Variants in NELFA observed in about 807,000 individuals in gnomAD.
NELFA encodes the protein negative elongation factor A.
A neutral mutation model predicts 51.8 loss-of-function variants in NELFA; 35 were observed. The ratio of observed to expected loss-of-function variants is 0.68; its 90% CI spans 0.52 to 0.90. The LOEUF (loss-of-function observed/expected upper bound fraction) is 0.90. NELFA is among the 40% of genes least tolerant of loss of function. The pLI, the probability that NELFA is intolerant of heterozygous loss-of-function variation, is 0.00. For synonymous variants in NELFA, 417 were observed against 338.4 expected (o/e 1.23, Z -2.55); for missense variants, 658 against 746.4 (o/e 0.88, Z 1.38).
At position 1,988,020 on chromosome 4, in the gene NELFA, G is replaced by A. The variant is rs1229494905; in HGVS notation, c.545-13C>T. ...GCGGTCTCCGTGGCTGGAAGGAAGA[G>A]GTCACATATGTCAGGGATCCTCAGA... On this transcript the variant is annotated splice_polypyrimidine_tract_variant and intron_variant, in intron 3 of 10. Coordinates refer to ENST00000382882, the MANE Select transcript of NELFA (RefSeq NM_005663.5). The A allele has an allele frequency of 1.2e-6, 2 of 1,605,978 alleles. No homozygotes were observed. The highest frequency in any genetic ancestry group is 1.7e-4 in the Middle Eastern group (1 of 6,044).
chr4:2,006,047 G>A lies in NELFA; in HGVS notation c.210+2703C>T, dbSNP rs1449647023. 4.6e-5 allele frequency among the ~76,000 whole-genome samples: 7 copies of A among 152,152 alleles called. No homozygotes were observed. In the East Asian group the frequency reaches 5.8e-4, roughly 13 times the overall value. On this transcript the variant is annotated intron_variant, in intron 1 of 10. Coordinates refer to ENST00000382882, the MANE Select transcript of NELFA (RefSeq NM_005663.5). ...GACAAGAATAGCCATAGATGATCCC[G>A]GAGAAAGATACAGTGGGAGGGTTTG...
chr4:1,991,508 C>G (rs1728267041), intron 2 of NELFA, 36 bp downstream of exon 2: 1 of 1,598,966 alleles, frequency 6.3e-7, no homozygotes, highest in African/African-American at 1.4e-5. Context: ...GATCCATTTC[C>G]CTCCACCCAA....
At chr4:2,006,647 C>T (rs777982657) in intron 1 of NELFA, among the ~76,000 whole-genome samples, 1 of 151,550 alleles carries the variant, frequency 6.6e-6, no homozygotes, top group Non-Finnish European at 1.5e-5. Context: ...GGCAGCGCAT[C>T]AGTCCCAGCT....
intron 1 of NELFA, among the ~76,000 whole-genome samples, chr4:2,006,768 C>CA (rs57055347): frequency 0.17 from 13,728 of 78,456 alleles, 3,093 homozygotes; most frequent in East Asian, 0.37. Context: ...GACGCTGTCT[C>CA]AAAAAAAAAA....
At chr4:1,984,604 G>A (rs890590291) in intron 8 of NELFA, among the ~76,000 whole-genome samples, 13 of 152,232 alleles carry the variant, frequency 8.5e-5, no homozygotes, top group African/African-American at 3.1e-4. Flanking sequence ...TGCCCAGGAC[G>A]GGCAGGGTGG....
chr4:1,983,951 G>A lies in NELFA; in HGVS notation c.1199C>T (p.Pro400Leu), dbSNP rs1342037766. The part of the protein sequence containing the change: ...APTSPLTPTT[P>L]PAVAPTTQTP... Reference sequence around the variant, plus strand: ...CTGAGTGGTAGGGGCGACAGCCGGAGGTGTGGTGGGTGTCAGAGGCGAGGT... The same window carrying A: ...CTGAGTGGTAGGGGCGACAGCCGGAAGTGTGGTGGGTGTCAGAGGCGAGGT... Residue 400 changes from proline to leucine, a missense_variant, in exon 9 of 11, where the codon CCT becomes CTT. By Grantham distance (98) the Pro-to-Leu change is moderately conservative. Around this residue, in one of 3 missense-constraint regions of NELFA, gnomAD observed 200 missense variants for 167.9 expected, o/e 1.19. Transcript: ENST00000382882. 1.2e-6 allele frequency: 2 copies of A among 1,611,500 alleles called. No individual in the cohort carries two copies. The highest frequency in any genetic ancestry group is 1.3e-5 in the African/African-American group (1 of 74,918).
chr4:1,984,726 C>T (rs553271903), intron 8 of NELFA, 82 bp downstream of exon 8: 16 of 988,666 alleles, frequency 1.6e-5, no homozygotes, highest in Admixed American at 6.7e-5. Context: ...GAGTGAGAAC[C>T]GCAGCCCTGG....
chr4:1,990,554 T>A, intron 2 of NELFA: 2 of 455,314 alleles, frequency 4.4e-6, no homozygotes, highest in South Asian at 3.1e-5. Context: ...CTGTGTGGTG[T>A]GTGTGACCTC....
intron 7 of NELFA, among the ~76,000 whole-genome samples, chr4:1,985,391 G>A (rs1425424388): frequency 6.6e-6 from 1 of 152,132 alleles, no homozygotes; most frequent in Non-Finnish European, 1.5e-5. Flanking sequence ...CCGCAGGCAG[G>A]GCCTGGTCTC....
intron 1 of NELFA, among the ~76,000 whole-genome samples, chr4:2,000,329 C>G (rs1263970238): frequency 1.3e-5 from 2 of 151,778 alleles, no homozygotes; most frequent in Non-Finnish European, 1.5e-5. Flanking sequence ...AACCCTCCCC[C>G]CCAAAAAATA....
Position 1,986,514 on chromosome 4 carries a change from C to A in NELFA, c.635-112G>T, listed in dbSNP as rs769896992. On this transcript the variant is annotated intron_variant, in intron 4 of 10. Coordinates refer to ENST00000382882, the MANE Select transcript of NELFA (RefSeq NM_005663.5). Reference sequence around the variant, plus strand: ...GGCTAGCGCCGCAGAGGGGAAGGGCCAAACCCCTGGCGGGCAGCGGGCAGG... The same window carrying A: ...GGCTAGCGCCGCAGAGGGGAAGGGCAAAACCCCTGGCGGGCAGCGGGCAGG... The A allele has an allele frequency of 2.6e-6, 4 of 1,533,668 alleles. No individual in the cohort carries two copies. The African/African-American group carries it at 4.1e-5, about 16-fold the overall frequency.
In NELFA at chr4:1,984,126, CGGGGCCTGGTGA is replaced by C. The variant is rs1728005252; in HGVS notation, c.1037-25_1037-14del. ...CGGGAAGATGGGGCTGCAAGTAGAC[CGGGGCCTGGTGA>C]GGGGGCTGGACCCCCACCCTGTTCC... On this transcript the variant is annotated splice_polypyrimidine_tract_variant and intron_variant, in intron 8 of 10. Transcript: ENST00000382882. 1 of 1,536,168 alleles carries C rather than the reference CGGGGCCTGGTGA, an allele frequency of 6.5e-7. No homozygotes were observed. The highest frequency in any genetic ancestry group is 1.4e-5 in the African/African-American group (1 of 73,294).
intron 2 of NELFA, among the ~76,000 whole-genome samples, chr4:1,990,733 G>GGAGA (rs1338687925): frequency 2.0e-5 from 3 of 152,238 alleles, no homozygotes; most frequent in Admixed American, 2.0e-4. Context: ...GTCCAAAGCA[G>GGAGA]GAGAGAAACT....
At chr4:2,008,642 G>A (rs1293403032) in intron 1 of NELFA, 108 bp downstream of exon 1, 3 of 1,331,982 alleles carry the variant, frequency 2.3e-6, no homozygotes, top group Non-Finnish European at 3.1e-6. Flanking sequence ...GTCTGAAGGG[G>A]GATGGGAAGG....
chr4:1,983,433 C>T lies in NELFA; in HGVS notation c.1473G>A (p.Lys491=). The change falls in exon 11 of 11, where the codon AAG becomes AAA. Residue 491 remains lysine (K), a synonymous_variant. Coordinates refer to ENST00000382882, the MANE Select transcript of NELFA (RefSeq NM_005663.5). ...TGGTTGTGCTACCCTGGCCGTCCGC[C>T]TTGGGCAGGTCCTCCGTGTGCTCGC... ...KLSEHTEDLP[K]ADGQGSTTML... The T allele has an allele frequency of 6.2e-7, 1 of 1,614,224 alleles. No homozygotes were observed. Among genetic ancestry groups the T allele is most frequent in the Non-Finnish European group, 8.5e-7 (1 of 1,180,038 alleles).
chr4:1,995,202 C>T (rs746054804), intron 1 of NELFA, among the ~76,000 whole-genome samples: 3 of 152,240 alleles, frequency 2.0e-5, no homozygotes, highest in Non-Finnish European at 4.4e-5. Context: ...TTCCAGCCTT[C>T]AGACTCTGGC....
chr4:1,985,762 GC>G lies in NELFA; in HGVS notation c.924+13del. On this transcript the variant is annotated intron_variant, in intron 7 of 10. Coordinates refer to ENST00000382882, the MANE Select transcript of NELFA (RefSeq NM_005663.5). Reference sequence around the variant, plus strand: ...GCAGTGGTGCCAGACATGGGGTGCAGCCCCGAGCCCTACCTGCGTGGACACC... The same window carrying G: ...GCAGTGGTGCCAGACATGGGGTGCAGCCCGAGCCCTACCTGCGTGGACACC... 1 of 1,610,884 alleles carries G rather than the reference GC, an allele frequency of 6.2e-7. No individual in the cohort carries two copies. Among genetic ancestry groups the G allele is most frequent in the South Asian group, 1.1e-5 (1 of 90,924 alleles).
intron 1 of NELFA, among the ~76,000 whole-genome samples, chr4:1,995,830 C>T (rs1317538251): frequency 6.6e-6 from 1 of 150,668 alleles, no homozygotes; most frequent in Non-Finnish European, 1.5e-5. Context: ...GAGGAACAGA[C>T]AAACCCATAA....
intron 1 of NELFA, chr4:2,008,176 C>G: frequency 2.6e-6 from 1 of 383,894 alleles, no homozygotes; most frequent in South Asian, 1.9e-5. Flanking sequence ...GCTGCGTCCC[C>G]GACGGGAAAC....
Sources: allele counts gnomAD v4.1 joint callset (sites outside exome capture counted in the v4.1 genomes callset), GRCh38; gene constraint gnomAD v4.1.1; regional missense constraint gnomAD v4.1.1; transcripts MANE v1.5; gene names NCBI Gene and HGNC (gene_info 2026-07-23, HGNC 2026-07-21).